The following PTPRT variants were observed in gnomAD, a reference collection of about 807,000 sequenced individuals.
PTPRT encodes the protein receptor-type tyrosine-protein phosphatase T.
A neutral mutation model predicts 176.8 loss-of-function variants in PTPRT; 56 were observed. That is an observed-to-expected ratio of 0.32 (90% confidence interval 0.26 to 0.40). The LOEUF is 0.40. Among genes scored for constraint, PTPRT ranks in the 10% least tolerant of loss-of-function variants. PTPRT has a pLI of 1.00. For synonymous variants in PTPRT, 783 were observed against 739.0 expected, an observed-to-expected ratio of 1.06 and a Z score of -0.96; for missense variants, 1,540 against 1,908.2, an observed-to-expected ratio of 0.81 and a Z score of 3.60.
chr20:43,067,723 A>G lies in PTPRT; in HGVS notation c.88+121923T>C, dbSNP rs528129280. Among the ~76,000 whole-genome samples the G allele has an allele frequency of 2.0e-5, 3 of 151,638 alleles. No individual in the cohort carries two copies. The East Asian group carries it at 6.0e-4, about 30-fold the overall frequency. On this transcript the variant is annotated intron_variant, in intron 1 of 30. Coordinates refer to ENST00000373187, the MANE Select transcript of PTPRT (RefSeq NM_007050.6). ...ACATCTGCAATCCCAGCACTTTGGG[A>G]GGCCAAGACAGGAGGATCACTTGAG...
chr20:42,792,125 A>C (rs1406194141), intron 2 of PTPRT, among the ~76,000 whole-genome samples: 1 of 152,208 alleles, frequency 6.6e-6, no homozygotes, highest in Non-Finnish European at 1.5e-5. Context: ...GGGATCAAGA[A>C]TACACACATG....
intron 16 of PTPRT, among the ~76,000 whole-genome samples, chr20:42,195,274 T>C (rs1991168834): frequency 6.6e-6 from 1 of 152,214 alleles, no homozygotes; most frequent in Non-Finnish European, 1.5e-5. Flanking sequence ...CGTTCTTCTG[T>C]AATCTTTTGC....
the PTPRT span, among the ~76,000 whole-genome samples, chr20:42,066,764 A>C: frequency 7.2e-5 from 11 of 152,138 alleles, no homozygotes; most frequent in African/African-American, 2.7e-4. Flanking sequence ...ATTGTTGATG[A>C]TATCCTTTTA....
intron 19 of PTPRT, among the ~76,000 whole-genome samples, chr20:42,126,427 G>A (rs1205802640): frequency 1.3e-5 from 2 of 152,166 alleles, no homozygotes; most frequent in Admixed American, 6.5e-5. Flanking sequence ...TTACTCATCT[G>A]GAAATGGGTA....
intron 1 of PTPRT, among the ~76,000 whole-genome samples, chr20:42,893,264 T>G (rs960682058): frequency 6.6e-6 from 1 of 152,202 alleles, no homozygotes; most frequent in Non-Finnish European, 1.5e-5. Flanking sequence ...GAAAAAATGC[T>G]CATCATCACT....
intron 1 of PTPRT, among the ~76,000 whole-genome samples, chr20:43,077,948 G>A (rs148568580): frequency 6.4e-4 from 98 of 152,282 alleles, no homozygotes; most frequent in African/African-American, 2.3e-3. Context: ...TCTATATCAA[G>A]TGGGAACATC....
At chr20:43,004,930 C>A (rs1984774112) in intron 1 of PTPRT, among the ~76,000 whole-genome samples, 1 of 152,098 alleles carries the variant, frequency 6.6e-6, no homozygotes, top group Non-Finnish European at 1.5e-5. Flanking sequence ...GGGAATTTGG[C>A]TTTGTATATA....
intron 1 of PTPRT, among the ~76,000 whole-genome samples, chr20:43,022,860 T>C (rs191602823): frequency 9.9e-5 from 15 of 152,244 alleles, no homozygotes; most frequent in African/African-American, 3.6e-4. Flanking sequence ...AGCCTGATAT[T>C]GAAGAGTTGG....
intron 1 of PTPRT, among the ~76,000 whole-genome samples, chr20:43,021,799 G>A (rs1215186578): frequency 4.3e-5 from 5 of 117,262 alleles, no homozygotes; most frequent in African/African-American, 5.9e-5. Flanking sequence ...CTCACATAAT[G>A]GGAGATACAG....
chr20:42,199,543 T>TTTG, intron 15 of PTPRT, 155 bp from the exon 16 acceptor site: 3 of 847,184 alleles, frequency 3.5e-6, no homozygotes, highest in Non-Finnish European at 5.4e-6. Flanking sequence ...CCATGAATGG[T>TTTG]TTCCATTTAC....
chr20:42,895,681 A>G (rs759727100), intron 1 of PTPRT, among the ~76,000 whole-genome samples: 2 of 152,140 alleles, frequency 1.3e-5, no homozygotes, highest in Non-Finnish European at 2.9e-5. Flanking sequence ...TTCTAATAAG[A>G]CTTTATTTAT....
At chr20:43,123,789 C>T (rs151244110) in intron 1 of PTPRT, among the ~76,000 whole-genome samples, 33 of 152,302 alleles carry the variant, frequency 2.2e-4, no homozygotes, top group Admixed American at 2.6e-4. Context: ...TGAAAGACCA[C>T]CAGATGAGAT....
chr20:43,020,224 A>AAT (rs3030256), intron 1 of PTPRT, among the ~76,000 whole-genome samples: 79,905 of 144,890 alleles, frequency 0.55, 26,174 homozygotes, highest in South Asian at 0.73. Context: ...TTAATTATGT[A>AAT]ATATATATAT....
At chr20:42,765,325 G>A (rs944688013) in intron 5 of PTPRT, among the ~76,000 whole-genome samples, 2 of 152,150 alleles carry the variant, frequency 1.3e-5, no homozygotes, top group African/African-American at 4.8e-5. Context: ...CATGCTCCTT[G>A]ATAAAGACAG....
chr20:42,187,539 G>A (rs1990829691), intron 16 of PTPRT, among the ~76,000 whole-genome samples: 1 of 152,194 alleles, frequency 6.6e-6, no homozygotes, highest in Non-Finnish European at 1.5e-5. Flanking sequence ...CTCACATGCA[G>A]CTTTTCAATC....
intron 9 of PTPRT, among the ~76,000 whole-genome samples, chr20:42,362,791 G>A (rs980999454): frequency 4.6e-5 from 7 of 152,096 alleles, no homozygotes; most frequent in Non-Finnish European, 8.8e-5. Flanking sequence ...CAACTTTTCT[G>A]TAAGTCTAAA....
At chr20:42,394,017 C>T (rs1600948071) in intron 9 of PTPRT, among the ~76,000 whole-genome samples, 1 of 148,718 alleles carries the variant, frequency 6.7e-6, no homozygotes, top group Non-Finnish European at 1.5e-5. Flanking sequence ...TAAAAATGCA[C>T]AAAGTCTATG....
chr20:42,063,884 T>C, the PTPRT span: 1 of 152,120 alleles, frequency 6.6e-6, no homozygotes, highest in Non-Finnish European at 1.5e-5. Context: ...GTATCATTTG[T>C]GTAATTAAAA....
At chr20:42,273,973 G>A (rs894632749) in intron 13 of PTPRT, among the ~76,000 whole-genome samples, 8 of 152,202 alleles carry the variant, frequency 5.3e-5, no homozygotes, top group Admixed American at 1.3e-4. Flanking sequence ...AGGGACAGCT[G>A]GATAAATGCA....
Sources: gnomAD v4.1 joint callset for allele counts (sites outside exome capture counted in the v4.1 genomes callset) on GRCh38, gnomAD v4.1.1 for gene constraint, MANE v1.5 for transcripts, NCBI Gene and HGNC (gene_info 2026-07-23, HGNC 2026-07-21) for gene names.